DIAPH2: variants seen among roughly 807,000 people sequenced by gnomAD.
DIAPH2 encodes the protein protein diaphanous homolog 2.
In DIAPH2, 35 loss-of-function variants were observed where a neutral mutation model predicts 92.7. That is an observed-to-expected ratio of 0.38 (90% CI 0.29 to 0.50). DIAPH2 has a LOEUF of 0.50. DIAPH2 is among the 20% of genes least tolerant of loss of function. The pLI is 0.94. For missense variants in DIAPH2, 701 were observed against 819.5 expected (o/e 0.86, Z 1.77); for synonymous variants, 301 against 280.4 (o/e 1.07, Z -0.73).
chrX:96,787,380 GA>G (rs2064464835), intron 4 of DIAPH2, among the ~76,000 whole-genome samples: 1 of 110,465 alleles, frequency 9.1e-6, no homozygotes, highest in Non-Finnish European at 1.9e-5. Context: ...TCTGAGTAAA[GA>G]AAAAAATCAT....
At chrX:97,115,872 T>C (rs2067013264) in intron 21 of DIAPH2, among the ~76,000 whole-genome samples, 1 of 111,796 alleles carries the variant, frequency 8.9e-6, no homozygotes, top group South Asian at 3.8e-4. Context: ...TATGTCCATT[T>C]TTAGGCTAGA....
chrX:96,841,159 C>T (rs1343516780), intron 4 of DIAPH2, among the ~76,000 whole-genome samples: 1 of 111,823 alleles, frequency 8.9e-6, no homozygotes, highest in Non-Finnish European at 1.9e-5. Flanking sequence ...ATTCTCCCTC[C>T]CCTCTATTGA....
At chrX:97,527,718 G>T (rs2071033520) in intron 26 of DIAPH2, among the ~76,000 whole-genome samples, 1 of 112,002 alleles carries the variant, frequency 8.9e-6, no homozygotes, top group African/African-American at 3.2e-5. Context: ...TATATTTTGG[G>T]CTTCAATGGT....
At chrX:97,274,080 C>T (rs944476924) in intron 23 of DIAPH2, among the ~76,000 whole-genome samples, 9 of 99,243 alleles carry the variant, frequency 9.1e-5, no homozygotes, top group Admixed American at 1.1e-4. Flanking sequence ...GACTGGAATC[C>T]GTTTTGTTTT....
chrX:97,176,437 A>G (rs1569320492), intron 22 of DIAPH2, among the ~76,000 whole-genome samples: 1 of 112,313 alleles, frequency 8.9e-6, no homozygotes, highest in Non-Finnish European at 1.9e-5. Context: ...GATTTTATCT[A>G]TTTCTTGGTA....
At chrX:97,429,377 T>C (rs1032524262) in intron 25 of DIAPH2, among the ~76,000 whole-genome samples, 5 of 111,391 alleles carry the variant, frequency 4.5e-5, no homozygotes, top group African/African-American at 1.6e-4. Context: ...GATCAGCTAC[T>C]GTTTATTTGC....
At chrX:96,744,597 T>A (rs755944177) in intron 3 of DIAPH2, among the ~76,000 whole-genome samples, 25 of 112,148 alleles carry the variant, frequency 2.2e-4, no homozygotes, top group Admixed American at 2.1e-3. Flanking sequence ...TTCCTACTGA[T>A]AATGGAACAT....
At chrX:97,444,751 T>C (rs1187024101) in intron 26 of DIAPH2, among the ~76,000 whole-genome samples, 1 of 112,007 alleles carries the variant, frequency 8.9e-6, no homozygotes, top group African/African-American at 3.2e-5. Flanking sequence ...TTTAATTCTA[T>C]TGTCATATCA....
intron 26 of DIAPH2, among the ~76,000 whole-genome samples, chrX:97,597,325 G>C (rs369482833): frequency 8.9e-6 from 1 of 112,218 alleles, no homozygotes; most frequent in African/African-American, 3.2e-5. Flanking sequence ...TCGTCAGTTT[G>C]TTTTGACCCG....
intron 23 of DIAPH2, among the ~76,000 whole-genome samples, chrX:97,308,462 C>T (rs772696236): frequency 9.1e-6 from 1 of 110,206 alleles, no homozygotes; most frequent in African/African-American, 3.3e-5. Context: ...CACTTCTGTA[C>T]AGCCTACAAG....
chrX:97,073,260 G>T (rs1271142810), intron 18 of DIAPH2, among the ~76,000 whole-genome samples: 2 of 111,784 alleles, frequency 1.8e-5, no homozygotes, highest in Non-Finnish European at 3.8e-5. Context: ...TGAAACTTGG[G>T]AATAGTAAAG....
At chrX:96,869,973 G>A (rs2065129253) in intron 4 of DIAPH2, among the ~76,000 whole-genome samples, 1 of 110,175 alleles carries the variant, frequency 9.1e-6, no homozygotes, top group Non-Finnish European at 1.9e-5. Flanking sequence ...AGAAACTTTT[G>A]CCTGCTTTTC....
At chrX:97,170,274 A>T (rs2067442173) in intron 22 of DIAPH2, among the ~76,000 whole-genome samples, 1 of 107,433 alleles carries the variant, frequency 9.3e-6, no homozygotes, top group African/African-American at 3.3e-5. Flanking sequence ...TTATAGATAG[A>T]AAAGGGAAGG....
chrX:96,973,237 C>T (rs1289878240), intron 17 of DIAPH2, among the ~76,000 whole-genome samples: 3 of 111,064 alleles, frequency 2.7e-5, no homozygotes, highest in African/African-American at 9.8e-5. Flanking sequence ...GTGACTCATG[C>T]CTATAATCTC....
intron 19 of DIAPH2, among the ~76,000 whole-genome samples, chrX:97,088,051 C>A (rs1192501721): frequency 8.9e-6 from 1 of 111,895 alleles, no homozygotes; most frequent in African/African-American, 3.2e-5. Flanking sequence ...ACTAGGCATT[C>A]TTTTTCCTCC....
intron 22 of DIAPH2, among the ~76,000 whole-genome samples, chrX:97,241,473 T>C (rs1347695123): frequency 9.1e-6 from 1 of 110,254 alleles, no homozygotes; most frequent in Non-Finnish European, 1.9e-5. Flanking sequence ...AATTTTTTTG[T>C]ATTTTTAGTA....
rs201219540 is a variant in DIAPH2, at chrX:97,001,646, AAAAAC to A, written c.2050+36462_2050+36466del. On this transcript the variant is annotated intron_variant, in intron 17 of 26. Transcript: ENST00000324765. ...GGGCAACAATGTGAGACTCCACCTC[AAAAAC>A]AAAACAAAACAAAACAAAACAATAA... Among the ~76,000 whole-genome samples the A allele has an allele frequency of 6.1e-3, 684 of 111,704 alleles. 7 individuals carry two copies. Among genetic ancestry groups the A allele is most frequent in the African/African-American group, 0.021 (640 of 30,763 alleles).
At chrX:97,385,282 G>A (rs1433958418) in intron 25 of DIAPH2, among the ~76,000 whole-genome samples, 2 of 110,895 alleles carry the variant, frequency 1.8e-5, no homozygotes, top group Non-Finnish European at 3.8e-5. Context: ...GCCCAAGCTG[G>A]AGTGCAGTGG....
intron 25 of DIAPH2, among the ~76,000 whole-genome samples, chrX:97,421,448 C>T (rs1393189850): frequency 9.0e-6 from 1 of 111,481 alleles, no homozygotes; most frequent in Non-Finnish European, 1.9e-5. Flanking sequence ...TAATCTGGAC[C>T]ATGATAGATA....
Sources: gnomAD v4.1 joint callset for allele counts (sites outside exome capture counted in the v4.1 genomes callset) on GRCh38, gnomAD v4.1.1 for gene constraint, MANE v1.5 for transcripts, NCBI Gene and HGNC (gene_info 2026-07-23, HGNC 2026-07-21) for gene names.